Variants in ZFAT observed in about 807,000 individuals in gnomAD.
The protein encoded by ZFAT is zinc finger and AT-hook domain containing, also known as zinc finger protein ZFAT.
In ZFAT, 64 loss-of-function variants were observed where a neutral mutation model predicts 117.7. That is an observed-to-expected ratio of 0.54 (90% confidence interval 0.44 to 0.67). The LOEUF (loss-of-function observed/expected upper bound fraction) is 0.67. Among genes scored for constraint, ZFAT ranks in the 30% least tolerant of loss-of-function variants. The probability of loss-of-function intolerance (pLI) is 0.00; values close to 1 mark genes in which losing one functional copy is unlikely to be tolerated. For missense variants in ZFAT, 1,433 were observed against 1,584.5 expected (o/e 0.90, Z 1.62); for synonymous variants, 679 against 615.0 (o/e 1.10, Z -1.54).
At chr8:134,626,155 G>A (rs182572586) in intron 3 of ZFAT, among the ~76,000 whole-genome samples, 14 of 152,322 alleles carry the variant, frequency 9.2e-5, no homozygotes, top group Admixed American at 6.5e-4. Context: ...TGGGAGAGGG[G>A]GGCTGCAGTG....
intron 7 of ZFAT, 188 bp downstream of exon 7, chr8:134,600,248 C>A (rs555052907): frequency 4.6e-6 from 3 of 646,338 alleles, no homozygotes; most frequent in African/African-American, 1.8e-5. Flanking sequence ...CTTTTTTCAA[C>A]GTATTAGAGA....
the ZFAT span, among the ~76,000 whole-genome samples, chr8:134,821,932 CAAG>C: frequency 6.6e-6 from 1 of 152,138 alleles, no homozygotes; most frequent in Non-Finnish European, 1.5e-5. Context: ...AGAAGTAAAA[CAAG>C]AAGTTGTTTG....
At chr8:134,645,770 ACCCTATAAAC>A (rs1830851274) in intron 2 of ZFAT, among the ~76,000 whole-genome samples, 1 of 152,228 alleles carries the variant, frequency 6.6e-6, no homozygotes, top group Non-Finnish European at 1.5e-5. Context: ...GATGTGAATA[ACCCTATAAAC>A]CAACAAATTC....
the ZFAT span, among the ~76,000 whole-genome samples, chr8:134,777,439 A>ACT: frequency 1.3e-5 from 2 of 152,224 alleles, no homozygotes; most frequent in African/African-American, 4.8e-5. Flanking sequence ...AGAATAGATA[A>ACT]CTAAGTCACA....
chr8:134,801,836 C>T, the ZFAT span, among the ~76,000 whole-genome samples: 1 of 152,078 alleles, frequency 6.6e-6, no homozygotes, highest in African/African-American at 2.4e-5. Context: ...ATTAATTGGG[C>T]ATAATATCTA....
Position 134,532,974 on chromosome 8 carries a change from T to C in ZFAT, c.2977-2A>G. The C allele has an allele frequency of 6.3e-7, 1 of 1,599,684 alleles. No homozygotes were observed. The highest frequency in any genetic ancestry group is 8.5e-7 in the Non-Finnish European group (1 of 1,173,256). On this transcript the variant is annotated splice_acceptor_variant, in intron 11 of 15. Transcript: ENST00000377838. LOFTEE classifies it high-confidence loss of function. ...ATGGCAATGGGCACAGCGGAAAGGC[T>C]GCGGGGACAATGAGGAGGGGTTAGG...
chr8:134,585,614 C>T (rs147742086), intron 9 of ZFAT, among the ~76,000 whole-genome samples: 4 of 152,276 alleles, frequency 2.6e-5, no homozygotes, highest in African/African-American at 7.2e-5. Context: ...ACCCACGGGC[C>T]GGCTGTGGAA....
intron 1 of ZFAT, among the ~76,000 whole-genome samples, chr8:134,680,092 TA>T (rs61471891): frequency 2.7e-4 from 38 of 142,940 alleles, no homozygotes; most frequent in South Asian, 4.5e-4. Flanking sequence ...AAAGTATAAT[TA>T]AAAAAAAAAA....
At chr8:134,722,583 G>A in the ZFAT span, among the ~76,000 whole-genome samples, 1 of 152,188 alleles carries the variant, frequency 6.6e-6, no homozygotes, top group Non-Finnish European at 1.5e-5. Flanking sequence ...CACCTCAAGT[G>A]TCTCAAAATC....
chr8:134,744,727 C>CA, the ZFAT span, among the ~76,000 whole-genome samples: 2 of 103,518 alleles, frequency 1.9e-5, no homozygotes, highest in African/African-American at 3.8e-5. Context: ...GCCTACTCTC[C>CA]TTTTTTTTTT....
chr8:134,763,193 C>T, the ZFAT span, among the ~76,000 whole-genome samples: 18 of 152,286 alleles, frequency 1.2e-4, no homozygotes, highest in South Asian at 6.2e-4. Flanking sequence ...TCAGATATAA[C>T]GATGTCAATT....
Position 134,601,762 on chromosome 8 carries a change from G to A in ZFAT, c.1957C>T (p.Pro653Ser). The change falls in exon 6 of 16, where the codon CCC becomes TCC. Residue 653 changes from proline (P) to serine (S), a missense_variant. Pro to Ser is a moderately conservative substitution (Grantham distance 74, BLOSUM62 -1). Around this residue, in one of 5 missense-constraint regions of ZFAT, gnomAD observed 372 missense variants for 355.6 expected, o/e 1.05. Transcript: ENST00000377838. Reference protein sequence around the residue: ...SDQESHGAQSPLGEGQNMAVL... With the variant: ...SDQESHGAQSSLGEGQNMAVL... Reference sequence around the variant, plus strand: ...GCCATGTTCTGCCCTTCCCCTAGGGGGCTCTGGGCGCCATGGCTTTCCTGA... The same window carrying A: ...GCCATGTTCTGCCCTTCCCCTAGGGAGCTCTGGGCGCCATGGCTTTCCTGA... 2 of 1,613,848 alleles carry A rather than the reference G, an allele frequency of 1.2e-6. No homozygotes were observed. The highest frequency in any genetic ancestry group is 1.7e-6 in the Non-Finnish European group (2 of 1,179,942).
chr8:134,825,821 C>A, the ZFAT span, among the ~76,000 whole-genome samples: 1 of 152,146 alleles, frequency 6.6e-6, no homozygotes, highest in African/African-American at 2.4e-5. Flanking sequence ...GAGATCAAGA[C>A]TATCCTGGCT....
chr8:134,517,959 T>C (rs745603270), intron 13 of ZFAT, among the ~76,000 whole-genome samples: 4 of 152,204 alleles, frequency 2.6e-5, no homozygotes, highest in Non-Finnish European at 5.9e-5. Context: ...CTCTACTGCT[T>C]GGTGAAGGTG....
chr8:134,668,885 A>T (rs1355112910), intron 1 of ZFAT, among the ~76,000 whole-genome samples: 1 of 152,210 alleles, frequency 6.6e-6, no homozygotes, highest in Non-Finnish European at 1.5e-5. Context: ...TAACTAGAAT[A>T]ATGAGTGTAG....
chr8:134,821,351 A>C, the ZFAT span, among the ~76,000 whole-genome samples: 11 of 152,298 alleles, frequency 7.2e-5, no homozygotes, highest in Admixed American at 7.2e-4. Context: ...AATGCAATGC[A>C]AATTTCAGAC....
the ZFAT span, among the ~76,000 whole-genome samples, chr8:134,799,270 T>C: frequency 6.6e-6 from 1 of 152,208 alleles, no homozygotes; most frequent in South Asian, 2.1e-4. Context: ...ATTCTAATTC[T>C]GGATTTAGGC....
chr8:134,791,387 TAA>T, the ZFAT span, among the ~76,000 whole-genome samples: 2 of 152,186 alleles, frequency 1.3e-5, no homozygotes, highest in East Asian at 1.9e-4. Context: ...CTCTTGCTGT[TAA>T]AGTCTCAGGG....
intron 11 of ZFAT, among the ~76,000 whole-genome samples, chr8:134,536,594 T>A (rs1455059334): frequency 6.6e-6 from 1 of 152,140 alleles, no homozygotes; most frequent in Non-Finnish European, 1.5e-5. Context: ...GGAATTCTCC[T>A]GGGGCTGATG....
Sources: allele counts gnomAD v4.1 joint callset (sites outside exome capture counted in the v4.1 genomes callset), GRCh38; gene constraint gnomAD v4.1.1; regional missense constraint gnomAD v4.1.1; transcripts MANE v1.5; gene names NCBI Gene and HGNC (gene_info 2026-07-23, HGNC 2026-07-21).